Variants in CPT1B observed in about 807,000 individuals in gnomAD.
CPT1B encodes the protein carnitine palmitoyltransferase 1B.
A neutral mutation model predicts 92.7 loss-of-function variants in CPT1B; 57 were observed. The ratio of observed to expected loss-of-function variants is 0.62; its 90% CI spans 0.50 to 0.77. The LOEUF is 0.77. CPT1B is among the 30% of genes least tolerant of loss of function. The pLI is 0.00. For synonymous variants in CPT1B, 398 were observed against 383.5 expected, an observed-to-expected ratio of 1.04 and a Z score of -0.44; for missense variants, 983 against 1,017.4, an observed-to-expected ratio of 0.97 and a Z score of 0.46.
chr22:50,574,643 G>A (rs1557503), intron 7 of CPT1B, 43 bp from the exon 8 acceptor site: 121,237 of 1,540,614 alleles, frequency 0.079, 8,324 homozygotes, highest in East Asian at 0.38. Flanking sequence ...CTCTGTCTGG[G>A]TGTCACCTGA....
At chr22:50,575,288 C>T (rs137938477) in intron 7 of CPT1B, among the ~76,000 whole-genome samples, 72 of 152,288 alleles carry the variant, frequency 4.7e-4, no homozygotes, top group African/African-American at 1.5e-3. Context: ...GGATTACAGG[C>T]GTGAGCCACT....
intron 7 of CPT1B, chr22:50,574,891 T>G: frequency 2.8e-6 from 1 of 362,674 alleles, no homozygotes. Context: ...CAGCCTCAAA[T>G]TACTCGCCCT....
chr22:50,576,260 C>G lies in CPT1B; in HGVS notation c.637G>C (p.Asp213His). The G allele has an allele frequency of 6.2e-7, 1 of 1,614,088 alleles. No individual in the cohort carries two copies. The change falls in exon 6 of 20, where the codon GAC (aspartate) becomes CAC (histidine). Residue 213 changes from aspartate (D) to histidine (H), a missense_variant. Physicochemically the swap from Asp to His is moderately conservative, Grantham distance 81 (BLOSUM62 -1). Coordinates refer to ENST00000312108, the MANE Select transcript of CPT1B (RefSeq NM_152246.3). ...TTCTGCAGCCTGGGGGCAGTCTTGT[C>G]CTGGAATTCTTTGGCCAGCAACTCC... Reference protein sequence around the residue: ...RMELLAKEFQDKTAPRLQKYL... With the variant: ...RMELLAKEFQHKTAPRLQKYL...
chr22:50,575,546 C>T (rs2070391496), intron 7 of CPT1B, among the ~76,000 whole-genome samples: 1 of 152,166 alleles, frequency 6.6e-6, no homozygotes, highest in Non-Finnish European at 1.5e-5. Flanking sequence ...CTGGGAGACC[C>T]AGAGACTCAG....
In CPT1B at chr22:50,577,886, G is replaced by C; in HGVS notation, c.30C>G (p.Phe10Leu). Reference protein sequence around the residue: MAEAHQAVAFQFTVTPDGVD... With the variant: MAEAHQAVALQFTVTPDGVD... Reference sequence around the variant, plus strand: ...CCCCGTCTGGGGTCACCGTGAACTGGAAGGCCACGGCCTGGTGAGCTTCCG... The same window carrying C: ...CCCCGTCTGGGGTCACCGTGAACTGCAAGGCCACGGCCTGGTGAGCTTCCG... Residue 10 changes from phenylalanine (F) to leucine (L), a missense_variant, in exon 2 of 20, where the codon TTC (phenylalanine) becomes TTG (leucine). Coordinates refer to ENST00000312108, the MANE Select transcript of CPT1B (RefSeq NM_152246.3). The C allele has an allele frequency of 1.2e-6, 2 of 1,612,940 alleles. No homozygotes were observed. The highest frequency in any genetic ancestry group is 8.5e-7 in the Non-Finnish European group (1 of 1,179,506).
intron 7 of CPT1B, 100 bp downstream of exon 7, chr22:50,575,935 G>T (rs981728076): frequency 4.4e-6 from 5 of 1,127,560 alleles, no homozygotes; most frequent in Non-Finnish European, 4.0e-6. Context: ...ACTTGCCCAC[G>T]GAAGCTGCTA....
chr22:50,578,185 C>G (rs2070558799), intron 1 of CPT1B: 1 of 159,866 alleles, frequency 6.3e-6, no homozygotes. Context: ...CGGCGAAGGG[C>G]AGCCTGGAGT....
chr22:50,569,896 C>T (rs2070078995), intron 17 of CPT1B, among the ~76,000 whole-genome samples: 1 of 152,214 alleles, frequency 6.6e-6, no homozygotes, highest in East Asian at 1.9e-4. Flanking sequence ...GGGGCTTATT[C>T]TCTAGATCAC....
chr22:50,577,473 GA>G lies in CPT1B; in HGVS notation c.142-11del. ...CCCTGAGGATGCCATTCTGTGGGCA[GA>G]AACAGGCGCCCTTATGGAGCCGGAA... On this transcript the variant is annotated splice_polypyrimidine_tract_variant and intron_variant, in intron 2 of 19. Coordinates refer to ENST00000312108, the MANE Select transcript of CPT1B (RefSeq NM_152246.3). The G allele has an allele frequency of 6.2e-7, 1 of 1,613,278 alleles. No individual in the cohort carries two copies. The highest frequency in any genetic ancestry group is 8.5e-7 in the Non-Finnish European group (1 of 1,179,864).
Position 50,573,113 on chromosome 22 carries a change from C to A in CPT1B, c.1167-53G>T, listed in dbSNP as rs17001616. ...GGCACGTGGACTTGGGATGAGGGTG[C>A]CTCTGAGGGCCTGGCTGGACCTGGA... On this transcript the variant is annotated intron_variant, in intron 10 of 19. Coordinates refer to ENST00000312108, the MANE Select transcript of CPT1B (RefSeq NM_152246.3). The surrounding 1 kb of genome is among the most constrained non-coding windows in gnomAD (Gnocchi z 5.0). 0.01 allele frequency: 14,981 copies of A among 1,484,876 alleles called. 1,342 individuals carry two copies. The African/African-American group carries it at 0.19, about 19-fold the overall frequency. The allele number at this position is 1,484,876 out of a possible 1,614,324, so 92.0% of individuals were successfully genotyped here.
intron 17 of CPT1B, 74 bp downstream of exon 17, chr22:50,570,219 C>G (rs2070096575): frequency 8.9e-7 from 1 of 1,128,446 alleles, no homozygotes; most frequent in South Asian, 1.7e-5. Flanking sequence ...CTCGTCTGAC[C>G]TCAGGGCCTG....
intron 1 of CPT1B, 134 bp downstream of exon 1, chr22:50,578,252 C>G (rs1325747368): frequency 6.5e-6 from 1 of 152,974 alleles, no homozygotes; most frequent in East Asian, 1.9e-4. Flanking sequence ...GAAGTGGAGC[C>G]GGCCTGGACA....
At position 50,573,117 on chromosome 22, in the gene CPT1B, T is replaced by C; in HGVS notation, c.1167-57A>G. The C allele has an allele frequency of 6.8e-7, 1 of 1,479,150 alleles. No individual in the cohort carries two copies. The highest frequency in any genetic ancestry group is 9.2e-7 in the Non-Finnish European group (1 of 1,084,668). The allele number at this position is 1,479,150 out of a possible 1,614,324, so 91.6% of individuals were successfully genotyped here. A position where few individuals can be genotyped will look rare whatever the true frequency, so the allele number is the denominator to read the frequency against. ...CGTGGACTTGGGATGAGGGTGCCTC[T>C]GAGGGCCTGGCTGGACCTGGAGATG... On this transcript the variant is annotated intron_variant, in intron 10 of 19. Transcript: ENST00000312108. The surrounding 1 kb of genome is among the most constrained non-coding windows in gnomAD (Gnocchi z 5.0).
Position 50,569,671 on chromosome 22 carries a change from G to A in CPT1B, c.2143-3C>T. On this transcript the variant is annotated splice_region_variant and splice_polypyrimidine_tract_variant and intron_variant, in intron 17 of 19. Coordinates refer to ENST00000312108, the MANE Select transcript of CPT1B (RefSeq NM_152246.3). ...ACTCCATAGCCATCATCTGCTACCT[G>A]AGGGCAACAAGAAGGGTGAAGAAGG... The A allele has an allele frequency of 1.2e-6, 2 of 1,612,550 alleles. No homozygotes were observed. Among genetic ancestry groups the A allele is most frequent in the Non-Finnish European group, 1.7e-6 (2 of 1,178,706 alleles).
At chr22:50,574,742 A>G in intron 7 of CPT1B, 142 bp from the exon 8 acceptor site, 1 of 653,450 alleles carries the variant, frequency 1.5e-6, no homozygotes, top group Non-Finnish European at 2.7e-6. Flanking sequence ...TGCCGGGGTG[A>G]ACCTCCAGAA....
chr22:50,573,721 A>G lies in CPT1B; in HGVS notation c.971-6T>C. The G allele has an allele frequency of 6.2e-7, 1 of 1,610,630 alleles. No homozygotes were observed. Among genetic ancestry groups the G allele is most frequent in the Non-Finnish European group, 8.5e-7 (1 of 1,178,576 alleles). On this transcript the variant is annotated splice_region_variant and splice_polypyrimidine_tract_variant and intron_variant, in intron 9 of 19. Transcript: ENST00000312108. The surrounding 1 kb of genome is among the most constrained non-coding windows in gnomAD (Gnocchi z 5.0). ...TGAGAGGTGCTGTAGCACATCTGTGATACAGGCCACGGGCAAGCTGAGGCG... is the reference window on the plus strand; with the variant it reads ...TGAGAGGTGCTGTAGCACATCTGTGGTACAGGCCACGGGCAAGCTGAGGCG...
At chr22:50,572,329 T>G (rs1464788701) in intron 11 of CPT1B, 21 bp from the exon 12 acceptor site, 2 of 1,555,330 alleles carry the variant, frequency 1.3e-6, no homozygotes, top group African/African-American at 2.7e-5. Flanking sequence ...AGTAGACACA[T>G]GAAGAACCAA....
intron 9 of CPT1B, among the ~76,000 whole-genome samples, 160 bp downstream of exon 9, chr22:50,574,175 G>C (rs1040454631): frequency 6.6e-6 from 1 of 152,232 alleles, no homozygotes; most frequent in Non-Finnish European, 1.5e-5. Flanking sequence ...CCCTGCGCCA[G>C]CATCATGCCT....
At chr22:50,576,171 A>G (rs764126828) in intron 6 of CPT1B, 27 bp downstream of exon 6, 2 of 1,614,090 alleles carry the variant, frequency 1.2e-6, no homozygotes, top group South Asian at 2.2e-5. Flanking sequence ...ATGGCAGGTG[A>G]CAGTGAGCCC....
Sources: gnomAD v4.1 joint callset for allele counts (sites outside exome capture counted in the v4.1 genomes callset) on GRCh38, gnomAD v4.1.1 for gene constraint, Gnocchi (gnomAD v3.1) non-coding constraint, MANE v1.5 for transcripts, NCBI Gene and HGNC (gene_info 2026-07-23, HGNC 2026-07-21) for gene names.